MEGF6: variants seen among roughly 807,000 people sequenced by gnomAD.
MEGF6 encodes the protein multiple epidermal growth factor-like domains protein 6.
Under a neutral mutation model 207.1 loss-of-function variants are expected in MEGF6, and 184 were observed. The observed-to-expected ratio is 0.89, with a 90% CI of 0.79 to 1.00. MEGF6 has a LOEUF of 1.00. Ranked by LOEUF, MEGF6 falls within the 50% of genes least tolerant of loss-of-function variation. MEGF6 has a pLI of 0.00. For missense variants in MEGF6, 2,282 were observed against 2,202.9 expected (o/e 1.04, Z -0.72); for synonymous variants, 1,038 against 910.0 (o/e 1.14, Z -2.53).
intron 1 of MEGF6, among the ~76,000 whole-genome samples, chr1:3,610,634 A>G (rs922633532): frequency 2.0e-5 from 3 of 152,250 alleles, no homozygotes; most frequent in African/African-American, 7.2e-5. Context: ...CCATTCTGGC[A>G]CTCAGTTCCT....
Position 3,611,286 on chromosome 1 carries a change from C to CCTCCGCTCTCCGG in MEGF6, c.-31_-19dup. 6.9e-7 allele frequency: 1 copy of CCTCCGCTCTCCGG among 1,439,446 alleles called. No individual in the cohort carries two copies. Among genetic ancestry groups the CCTCCGCTCTCCGG allele is most frequent in the Non-Finnish European group, 9.1e-7 (1 of 1,103,300 alleles). The allele number at this position is 1,439,446 out of a possible 1,614,324, so 89.2% of individuals were successfully genotyped here. A position where few individuals can be genotyped will look rare whatever the true frequency, so the allele number is the denominator to read the frequency against. On this transcript the variant is annotated 5_prime_UTR_variant, in exon 1 of 37. Transcript: ENST00000356575. Reference sequence around the variant, plus strand: ...AACGACATCGTGCGCGCCGGTGCCTCCTCCGCTCTCCGGCTCACAGGCGGC... The same window carrying CCTCCGCTCTCCGG: ...AACGACATCGTGCGCGCCGGTGCCTCCTCCGCTCTCCGGCTCCGCTCTCCGGCTCACAGGCGGC...
chr1:3,541,707 T>C (rs1038935812), intron 4 of MEGF6, among the ~76,000 whole-genome samples: 1 of 148,248 alleles, frequency 6.7e-6, no homozygotes, highest in Non-Finnish European at 1.5e-5. Context: ...AACCTGGCAG[T>C]GCCCTCAGGC....
chr1:3,523,075 G>GGA (rs1553195893), intron 5 of MEGF6, among the ~76,000 whole-genome samples: 3 of 31,658 alleles, frequency 9.5e-5, no homozygotes, highest in Non-Finnish European at 1.7e-4. Context: ...AGTGTGTGCC[G>GGA]GGGGGGGGGC....
Position 3,497,142 on chromosome 1 carries a change from G to A in MEGF6, c.3482-23C>T, listed in dbSNP as rs370965330. 38 of 1,553,358 alleles carry A rather than the reference G, an allele frequency of 2.4e-5. 1 individual carries two copies. Among genetic ancestry groups the A allele is most frequent in the African/African-American group, 9.5e-5 (7 of 73,704 alleles). The stretch of plus-strand genomic sequence containing the variant: ...AGGCTGGGTGGAGACAGGCAGGGTC[G>A]GTCCTGGCCCAGCCCCGCCAAGGAA... On this transcript the variant is annotated intron_variant, in intron 27 of 36. Coordinates refer to ENST00000356575, the MANE Select transcript of MEGF6 (RefSeq NM_001409.4).
At chr1:3,506,301 T>C (rs1641116783) in intron 14 of MEGF6, 65 bp from the exon 15 acceptor site, 1 of 1,559,606 alleles carries the variant, frequency 6.4e-7, no homozygotes, top group Non-Finnish European at 8.7e-7. Context: ...GGTCCCCCCA[T>C]GTGGTAGGAT....
chr1:3,550,229 C>T (rs1421555525), intron 4 of MEGF6, among the ~76,000 whole-genome samples: 9 of 152,190 alleles, frequency 5.9e-5, no homozygotes, highest in Admixed American at 2.6e-4. Flanking sequence ...TGTGTGCACA[C>T]GCTCACAGCA....
chr1:3,614,835 C>CA (rs1451025326), upstream of MEGF6, among the ~76,000 whole-genome samples: 1 of 152,236 alleles, frequency 6.6e-6, no homozygotes, highest in Non-Finnish European at 1.5e-5. Context: ...CACCAGCAGC[C>CA]AGCCCAGCTC....
At chr1:3,498,539 C>T in intron 25 of MEGF6, 40 bp from the exon 26 acceptor site, 1 of 1,525,918 alleles carries the variant, frequency 6.6e-7, no homozygotes, top group East Asian at 2.4e-5. Flanking sequence ...AGGGTCCTGC[C>T]TCCTGGGCCC....
At chr1:3,600,219 T>C (rs1488997487) in intron 2 of MEGF6, among the ~76,000 whole-genome samples, 2 of 152,172 alleles carry the variant, frequency 1.3e-5, no homozygotes, top group Non-Finnish European at 2.9e-5. Context: ...GCCAAGCCAA[T>C]GAGCAGCGCT....
chr1:3,593,207 C>T (rs1644007083), intron 3 of MEGF6, among the ~76,000 whole-genome samples: 3 of 152,140 alleles, frequency 2.0e-5, no homozygotes, highest in Admixed American at 2.0e-4. Context: ...ACCATCGAGA[C>T]ACTGAGATCC....
chr1:3,494,479 C>T lies in MEGF6; in HGVS notation c.4021G>A (p.Gly1341Arg), dbSNP rs756200222. 5 of 1,586,600 alleles carry T rather than the reference C, an allele frequency of 3.2e-6. No homozygotes were observed. Among genetic ancestry groups the T allele is most frequent in the African/African-American group, 2.7e-5 (2 of 74,496 alleles). ...GAGCACTCCAGATGGCAGGCGGCTC[C>T]GTAGCGCCCAGGGGGACAGGCTGGG... ...CELACPPGRY[G>R]AACHLECSCH... The change falls in exon 32 of 37, where the codon GGA (glycine) becomes AGA (arginine). Residue 1341 changes from glycine (G) to arginine (R), a missense_variant. Physicochemically the swap from Gly to Arg is moderately radical, Grantham distance 125 (BLOSUM62 -2). Transcript: ENST00000356575.
intron 3 of MEGF6, among the ~76,000 whole-genome samples, chr1:3,581,338 C>T (rs920515890): frequency 5.3e-5 from 8 of 152,176 alleles, no homozygotes; most frequent in South Asian, 2.1e-4. Flanking sequence ...GGCCCTCACA[C>T]ACATCTGGCC....
rs34478145 is a variant in MEGF6 at position 3,496,889 on chromosome 1, AC to A, written c.3613+98del. On this transcript the variant is annotated intron_variant, in intron 28 of 36. Transcript: ENST00000356575. ...GAGACCCCCACACCCTCCATCTTCC[AC>A]CCCCTCAGATGAGGGCCTTCCCGGG... 5.2e-3 allele frequency: 7,830 copies of A among 1,517,852 alleles called. 353 individuals carry two copies. In the African/African-American group the frequency reaches 0.095, roughly 18 times the overall value. The allele number at this position is 1,517,852 out of a possible 1,614,324, so 94.0% of individuals were successfully genotyped here.
At chr1:3,546,929 C>CA (rs540202915) in intron 4 of MEGF6, 1 of 95,564 alleles carries the variant, frequency 1.0e-5, no homozygotes, top group Non-Finnish European at 2.2e-5. Flanking sequence ...AGGGGGCTGC[C>CA]AGGCGGGGTG....
In MEGF6 at chr1:3,500,013, G is replaced by A. The variant is rs993248560; in HGVS notation, c.2708-89C>T. 4 of 1,458,586 alleles carry A rather than the reference G, an allele frequency of 2.7e-6. No individual in the cohort carries two copies. The African/African-American group carries it at 5.6e-5, about 21-fold the overall frequency. 90.4% of individuals were successfully genotyped at this position (1,458,586 alleles called of 1,614,324 possible). Reference sequence around the variant, plus strand: ...GGGCCTTGCCGCCATCCCCAGGACTGTGGGACAGGCCTGGCTCATGAGAAG... The same window carrying A: ...GGGCCTTGCCGCCATCCCCAGGACTATGGGACAGGCCTGGCTCATGAGAAG... On this transcript the variant is annotated intron_variant, in intron 21 of 36. Transcript: ENST00000356575.
chr1:3,497,010 G>A lies in MEGF6; in HGVS notation c.3591C>T (p.Tyr1197=). The A allele has an allele frequency of 6.4e-7, 1 of 1,550,850 alleles. No individual in the cohort carries two copies. Among genetic ancestry groups the A allele is most frequent in the Non-Finnish European group, 8.7e-7 (1 of 1,147,774 alleles). The change falls in exon 28 of 37, where the codon TAC becomes TAT. Residue 1197 remains tyrosine (Y), a synonymous_variant. Transcript: ENST00000356575. ...CACGTTGCTGGCAGCTGGGGCCGTGGTAGCCAGCAGCACATGAGCAGGTCC... is the reference window on the plus strand; with the variant it reads ...CACGTTGCTGGCAGCTGGGGCCGTGATAGCCAGCAGCACATGAGCAGGTCC... The part of the protein sequence containing the change: ...ATGTCSCAAG[Y]HGPSCQQRCP...
chr1:3,579,089 G>A (rs1643728633), intron 4 of MEGF6, among the ~76,000 whole-genome samples: 1 of 152,234 alleles, frequency 6.6e-6, no homozygotes, highest in Non-Finnish European at 1.5e-5. Flanking sequence ...CAGGGCCACT[G>A]GGAGTGTTTC....
At chr1:3,510,187 G>A (rs1345604000) in intron 10 of MEGF6, among the ~76,000 whole-genome samples, 195 bp from the exon 11 acceptor site, 1 of 152,230 alleles carries the variant, frequency 6.6e-6, no homozygotes, top group South Asian at 2.1e-4. Context: ...CCCAGGGTCA[G>A]AGCCATGGCA....
In MEGF6 at chr1:3,602,529, T is replaced by C. The variant is rs921861394; in HGVS notation, c.203A>G (p.His68Arg). ...GCCGGCCTTCCACACCGGCACCGTG[T>C]GGCTTAAGGCCTGCACGCACGGCTG... ...RRQPCVQALS[H>R]TVPVWKAGCG... The change falls in exon 2 of 37, where the codon CAC becomes CGC. Residue 68 changes from histidine (H) to arginine (R), a missense_variant. Coordinates refer to ENST00000356575, the MANE Select transcript of MEGF6 (RefSeq NM_001409.4). The C allele has an allele frequency of 6.2e-6, 10 of 1,613,266 alleles. No homozygotes were observed. The highest frequency in any genetic ancestry group is 8.5e-6 in the Non-Finnish European group (10 of 1,179,848).
Sources: allele counts gnomAD v4.1 joint callset (sites outside exome capture counted in the v4.1 genomes callset), GRCh38; gene constraint gnomAD v4.1.1; transcripts MANE v1.5; gene names NCBI Gene and HGNC (gene_info 2026-07-23, HGNC 2026-07-21).